DPP6: variants seen among roughly 807,000 people sequenced by gnomAD.
DPP6 encodes the protein dipeptidyl peptidase like 6, also known as A-type potassium channel modulatory protein DPP6.
A neutral mutation model predicts 122.6 loss-of-function variants in DPP6; 69 were observed. The observed-to-expected ratio is 0.56, with a 90% CI of 0.46 to 0.69. DPP6 has a LOEUF of 0.69. Ranked by LOEUF, DPP6 falls within the 30% of genes least tolerant of loss-of-function variation. DPP6 has a pLI of 0.00. For missense variants in DPP6, 928 were observed against 1,116.9 expected (o/e 0.83, Z 2.41); for synonymous variants, 418 against 433.1 (o/e 0.97, Z 0.43).
At chr7:153,987,306 T>C (rs558827683) in intron 1 of DPP6, among the ~76,000 whole-genome samples, 70 of 152,348 alleles carry the variant, frequency 4.6e-4, no homozygotes, top group African/African-American at 1.7e-3. Context: ...GTACCATGCC[T>C]GGGGCTTCAA....
At chr7:154,371,220 A>C (rs952790833) in intron 1 of DPP6, among the ~76,000 whole-genome samples, 2 of 151,820 alleles carry the variant, frequency 1.3e-5, no homozygotes, top group African/African-American at 2.4e-5. Context: ...TCTACTAAAA[A>C]GTACAAAAAT....
intron 1 of DPP6, chr7:154,305,565 TG>T: frequency 6.3e-7 from 1 of 1,591,924 alleles, no homozygotes; most frequent in Non-Finnish European, 8.5e-7. Context: ...ATGCTGCTTT[TG>T]GGGGTCCGTG....
At chr7:154,365,765 A>G (rs1812111146) in intron 1 of DPP6, among the ~76,000 whole-genome samples, 1 of 152,014 alleles carries the variant, frequency 6.6e-6, no homozygotes, top group Non-Finnish European at 1.5e-5. Flanking sequence ...CATCCTGACT[A>G]ACACGCCACG....
intron 7 of DPP6, among the ~76,000 whole-genome samples, chr7:154,684,888 G>A (rs1217398003): frequency 1.3e-5 from 2 of 152,192 alleles, no homozygotes; most frequent in African/African-American, 4.8e-5. Context: ...ACAGGACAAG[G>A]TGCAGGATAG....
chr7:154,028,870 G>A (rs1280093412), intron 1 of DPP6, among the ~76,000 whole-genome samples: 3 of 152,136 alleles, frequency 2.0e-5, no homozygotes, highest in South Asian at 2.1e-4. Flanking sequence ...AGGAAACCAC[G>A]TTCTGGAGTT....
intron 6 of DPP6, among the ~76,000 whole-genome samples, chr7:154,644,454 G>A (rs911271184): frequency 2.6e-5 from 4 of 152,196 alleles, no homozygotes; most frequent in African/African-American, 9.6e-5. Context: ...ACCATGAGTG[G>A]TCTGTAGGTA....
In DPP6 at chr7:154,305,498, A is replaced by G. The variant is rs889252848; in HGVS notation, c.244-140716A>G. 5 of 1,603,116 alleles carry G rather than the reference A, an allele frequency of 3.1e-6. No individual in the cohort carries two copies. The African/African-American group carries it at 6.7e-5, about 21-fold the overall frequency. ...GTGGGAAGCGCCTGGACAGACCATG[A>G]CCACAGCCAAGGAGCCAAGCGCTTC... On this transcript the variant is annotated intron_variant, in intron 1 of 25. Coordinates refer to ENST00000377770, the MANE Select transcript of DPP6 (RefSeq NM_130797.4).
intron 1 of DPP6, among the ~76,000 whole-genome samples, chr7:153,955,006 G>A (rs947830851): frequency 2.0e-5 from 3 of 152,192 alleles, no homozygotes; most frequent in African/African-American, 2.4e-5. Flanking sequence ...TGGGTGTGTA[G>A]CATTGGGGCA....
chr7:154,749,260 G>T (rs868654620), intron 8 of DPP6, among the ~76,000 whole-genome samples: 27 of 115,248 alleles, frequency 2.3e-4, no homozygotes, highest in African/African-American at 5.7e-4. Flanking sequence ...ACTGAGAGAG[G>T]GTGAGGGAGC....
chr7:153,808,352 T>G, the DPP6 span, among the ~76,000 whole-genome samples: 1 of 151,226 alleles, frequency 6.6e-6, no homozygotes, highest in Non-Finnish European at 1.5e-5. Flanking sequence ...TGCACGTGTG[T>G]GTGTGGGCAT....
chr7:154,413,435 C>T (rs140817337), intron 1 of DPP6, among the ~76,000 whole-genome samples: 102 of 152,242 alleles, frequency 6.7e-4, no homozygotes, highest in African/African-American at 2.3e-3. Flanking sequence ...AGTATGGTGG[C>T]GTGTACTAAA....
intron 1 of DPP6, among the ~76,000 whole-genome samples, chr7:154,259,187 GC>G (rs1802843594): frequency 6.6e-6 from 1 of 152,168 alleles, no homozygotes; most frequent in African/African-American, 2.4e-5. Context: ...TTCACTTAGT[GC>G]TTCTCCCAGA....
rs1799802246 is a variant in DPP6, at chr7:153,905,295, T to A, written c.51+17561T>A. ...ATTATGTTGGGAGAGAGGATCCTAG[T>A]TTCTCTGGCCAGCCTCGGGAGAAAA... On this transcript the variant is annotated intron_variant, in intron 1 of 25. Coordinates refer to the DPP6 transcript ENST00000404039. Among the ~76,000 whole-genome samples, 8 of 152,284 alleles carry A rather than the reference T, an allele frequency of 5.3e-5. No individual in the cohort carries two copies. In the South Asian group the frequency reaches 1.7e-3, roughly 32 times the overall value.
At chr7:154,295,588 T>A (rs1367074941) in intron 1 of DPP6, among the ~76,000 whole-genome samples, 1 of 152,178 alleles carries the variant, frequency 6.6e-6, no homozygotes, top group Non-Finnish European at 1.5e-5. Context: ...CCAGCATCAA[T>A]GATCCTAGCA....
At chr7:153,757,439 A>G in the DPP6 span, among the ~76,000 whole-genome samples, 1 of 152,236 alleles carries the variant, frequency 6.6e-6, no homozygotes, top group Non-Finnish European at 1.5e-5. Context: ...GTGTGACTTC[A>G]TACAGAAAAG....
At chr7:154,183,588 C>T (rs1244923419) in intron 1 of DPP6, among the ~76,000 whole-genome samples, 1 of 152,192 alleles carries the variant, frequency 6.6e-6, no homozygotes, top group Admixed American at 6.5e-5. Flanking sequence ...GTCTTCCTTC[C>T]TCCCCTCCTC....
Position 153,935,342 on chromosome 7 carries a change from C to T in DPP6, c.51+47608C>T, listed in dbSNP as rs115851499. On this transcript the variant is annotated intron_variant, in intron 1 of 25. Coordinates refer to the DPP6 transcript ENST00000404039. The stretch of plus-strand genomic sequence containing the variant: ...CCACACCGGGCTCCTCTAACCCTAG[C>T]GTTAGTCATGTGCCCTCAGCTGGAA... Among the ~76,000 whole-genome samples the T allele has an allele frequency of 8.6e-3, 1,309 of 152,196 alleles. 23 individuals are homozygous for T. The highest frequency in any genetic ancestry group is 0.03 in the African/African-American group (1,240 of 41,528).
At chr7:154,645,300 C>T (rs1332465591) in intron 6 of DPP6, among the ~76,000 whole-genome samples, 1 of 151,722 alleles carries the variant, frequency 6.6e-6, no homozygotes, top group Non-Finnish European at 1.5e-5. Flanking sequence ...CTCCTGACCT[C>T]GTGACCCGCC....
At chr7:154,263,088 A>G (rs1310135699) in intron 1 of DPP6, among the ~76,000 whole-genome samples, 1 of 152,230 alleles carries the variant, frequency 6.6e-6, no homozygotes, top group Non-Finnish European at 1.5e-5. Context: ...AAACACAGGA[A>G]CTTGCTTAAG....
Sources: gnomAD v4.1 joint callset for allele counts (sites outside exome capture counted in the v4.1 genomes callset) on GRCh38, gnomAD v4.1.1 for gene constraint, MANE v1.5 for transcripts, NCBI Gene and HGNC (gene_info 2026-07-23, HGNC 2026-07-21) for gene names.